Variants in MYO1E observed in about 807,000 individuals in gnomAD.
MYO1E encodes unconventional myosin-Ie.
A neutral mutation model predicts 151.1 loss-of-function variants in MYO1E; 68 were observed. That is an observed-to-expected ratio of 0.45 (90% CI 0.37 to 0.55). The LOEUF (loss-of-function observed/expected upper bound fraction) is 0.55. Ranked by LOEUF, MYO1E falls within the 20% of genes least tolerant of loss-of-function variation. The probability of loss-of-function intolerance (pLI) is 0.00; values close to 1 mark genes in which losing one functional copy is unlikely to be tolerated. For synonymous variants in MYO1E, 601 were observed against 501.7 expected (o/e 1.20, Z -2.64); for missense variants, 1,363 against 1,389.3 (o/e 0.98, Z 0.30).
rs547455824 is a variant in MYO1E, at chr15:59,254,291, G to A, written c.332+1993C>T. 5.5e-4 allele frequency among the ~76,000 whole-genome samples: 83 copies of A among 152,142 alleles called. 1 individual carries two copies. The highest frequency in any genetic ancestry group is 2.8e-3 in the Admixed American group (43 of 15,274). ...TAATCTCAAACTCCTGAGCTCAAGC[G>A]ATCTCCCTGCCTCAGCCTCCCTAGT... On this transcript the variant is annotated intron_variant, in intron 4 of 27. Transcript: ENST00000288235.
chr15:59,279,971 T>C (rs1056624415), intron 1 of MYO1E, among the ~76,000 whole-genome samples: 2 of 152,216 alleles, frequency 1.3e-5, no homozygotes, highest in African/African-American at 4.8e-5. Context: ...GCTGTTTTCA[T>C]TGTGAAAAAA....
rs745950580 is a variant in MYO1E at position 59,231,810 on chromosome 15, C to A, written c.421-19G>T. On this transcript the variant is annotated intron_variant, in intron 5 of 27. Transcript: ENST00000288235. ...TCACGTGCTGTCCCAGCAAATAGAC[C>A]GGAGGTTAGGAAGGTGTGAACACCT... The A allele has an allele frequency of 5.0e-6, 8 of 1,613,358 alleles. No homozygotes were observed. In the South Asian group the frequency reaches 6.6e-5, roughly 13 times the overall value.
chr15:59,248,895 G>A (rs878894576), intron 4 of MYO1E, among the ~76,000 whole-genome samples: 10 of 152,124 alleles, frequency 6.6e-5, no homozygotes, highest in African/African-American at 1.4e-4. Flanking sequence ...AGCTCCCTTC[G>A]TGGACTGTGT....
intron 4 of MYO1E, among the ~76,000 whole-genome samples, chr15:59,252,543 C>T (rs959475544): frequency 1.2e-4 from 18 of 152,086 alleles, no homozygotes; most frequent in African/African-American, 3.1e-4. Context: ...GGGGAAACCC[C>T]GTCTCTACTG....
At position 59,341,718 on chromosome 15, in the gene MYO1E, G is replaced by GT. The variant is rs1207448063; in HGVS notation, c.3+30779dup. On this transcript the variant is annotated intron_variant, in intron 1 of 27. Transcript: ENST00000288235. ...TTATTGCTGATTAGTACTCTGTTGT[G>GT]TATCTGTACCACATCTTCTTTATGT... 7.9e-5 allele frequency among the ~76,000 whole-genome samples: 12 copies of GT among 152,036 alleles called. 1 individual carries two copies. Among genetic ancestry groups the GT allele is most frequent in the Admixed American group, 2.0e-4 (3 of 15,264 alleles).
chr15:59,279,112 G>A (rs1385277381), intron 1 of MYO1E, among the ~76,000 whole-genome samples: 1 of 152,024 alleles, frequency 6.6e-6, no homozygotes, highest in Non-Finnish European at 1.5e-5. Flanking sequence ...ACATACACGT[G>A]GTCTCCTTTC....
chr15:59,267,144 G>C (rs1040720855), intron 2 of MYO1E, among the ~76,000 whole-genome samples: 16 of 144,720 alleles, frequency 1.1e-4, no homozygotes, highest in Admixed American at 5.1e-4. Flanking sequence ...TCCTGCCTCA[G>C]CCTCCCGAGT....
At chr15:59,338,977 C>T (rs1320174781) in intron 1 of MYO1E, among the ~76,000 whole-genome samples, 2 of 152,076 alleles carry the variant, frequency 1.3e-5, no homozygotes, top group East Asian at 3.9e-4. Flanking sequence ...ATTAAAAATA[C>T]AAAAATTAGC....
rs1231446167 is a variant in MYO1E, at chr15:59,325,912, C to T, written c.3+46586G>A. 4.6e-5 allele frequency among the ~76,000 whole-genome samples: 7 copies of T among 152,118 alleles called. No individual in the cohort carries two copies. In the South Asian group the frequency reaches 8.3e-4, roughly 18 times the overall value. On this transcript the variant is annotated intron_variant, in intron 1 of 27. Coordinates refer to ENST00000288235, the MANE Select transcript of MYO1E (RefSeq NM_004998.4). ...ACCCTTCCAGCTCTAACCCCCATGG[C>T]CTATAATCAGGGCTGTCCAGTGAAT...
At chr15:59,147,651 G>T (rs114158216) in intron 26 of MYO1E, among the ~76,000 whole-genome samples, 1 of 150,700 alleles carries the variant, frequency 6.6e-6, no homozygotes, top group African/African-American at 2.4e-5. Context: ...ACTGTGGAAC[G>T]GTGCAGAGCC....
chr15:59,174,433 C>CT (rs1404245621), intron 19 of MYO1E, among the ~76,000 whole-genome samples, 193 bp from the exon 20 acceptor site: 1 of 152,138 alleles, frequency 6.6e-6, no homozygotes, highest in East Asian at 1.9e-4. Flanking sequence ...TGACCTATAC[C>CT]TTTTTTTCTT....
rs576370807 is a variant in MYO1E at position 59,149,426 on chromosome 15, CT to C, written c.3080+4163del. Among the ~76,000 whole-genome samples, 236 of 152,162 alleles carry C rather than the reference CT, an allele frequency of 1.6e-3. 4 individuals are homozygous for C. The highest frequency in any genetic ancestry group is 6.8e-3 in the Middle Eastern group (2 of 294). On this transcript the variant is annotated intron_variant, in intron 26 of 27. Transcript: ENST00000288235. Reference sequence around the variant, plus strand: ...TTGAGAAACAGGAAAGATCTTTGACCTGAATTAAGACTTCTCAAAAGCTATG... The same window carrying C: ...TTGAGAAACAGGAAAGATCTTTGACCGAATTAAGACTTCTCAAAAGCTATG...
chr15:59,227,657 G>A, intron 6 of MYO1E, 67 bp from the exon 7 acceptor site: 1 of 1,569,354 alleles, frequency 6.4e-7, no homozygotes, highest in Non-Finnish European at 8.8e-7. Context: ...AACAGGCTTT[G>A]AATACAGTAT....
At chr15:59,206,892 A>T in intron 14 of MYO1E, 1 of 1,567,014 alleles carries the variant, frequency 6.4e-7, no homozygotes, top group Non-Finnish European at 8.7e-7. Flanking sequence ...CAACGTTCGG[A>T]TCAGCAGCTT....
chr15:59,186,440 T>C (rs895754403), intron 18 of MYO1E, among the ~76,000 whole-genome samples: 1 of 152,064 alleles, frequency 6.6e-6, no homozygotes, highest in African/African-American at 2.4e-5. Flanking sequence ...CCCTGCATAA[T>C]ATATCAGGAA....
intron 12 of MYO1E, chr15:59,212,556 G>A (rs1442402137): frequency 1.3e-5 from 2 of 152,168 alleles, no homozygotes; most frequent in Non-Finnish European, 2.9e-5. Flanking sequence ...ATTCACTAAG[G>A]ATCTCACAAT....
intron 10 of MYO1E, among the ~76,000 whole-genome samples, chr15:59,216,030 C>A (rs1311646915): frequency 2.6e-5 from 4 of 152,134 alleles, no homozygotes; most frequent in Admixed American, 6.5e-5. Context: ...TTTAAATAGC[C>A]ACTAAAGTAC....
At chr15:59,323,694 C>T (rs11071429) in intron 1 of MYO1E, among the ~76,000 whole-genome samples, 28,351 of 151,550 alleles carry the variant, frequency 0.19, 3,327 homozygotes, top group African/African-American at 0.32. Context: ...ATTTGGAGAA[C>T]GGCTGTGTGC....
At chr15:59,319,741 T>C (rs1186939794) in intron 1 of MYO1E, among the ~76,000 whole-genome samples, 3 of 151,220 alleles carry the variant, frequency 2.0e-5, no homozygotes, top group Non-Finnish European at 2.9e-5. Flanking sequence ...CTATCTCTAC[T>C]AAAAATAAAA....
Sources: allele counts gnomAD v4.1 joint callset (sites outside exome capture counted in the v4.1 genomes callset), GRCh38; gene constraint gnomAD v4.1.1; transcripts MANE v1.5; gene names NCBI Gene and HGNC (gene_info 2026-07-23, HGNC 2026-07-21).